The following PRKAG2 variants were observed in gnomAD, a reference collection of about 807,000 sequenced individuals.
PRKAG2 encodes protein kinase AMP-activated non-catalytic subunit gamma 2.
Under a neutral mutation model 69.6 loss-of-function variants are expected in PRKAG2, and 26 were observed. That is an observed-to-expected ratio of 0.37 (90% confidence interval 0.27 to 0.52). The LOEUF is 0.52. Among genes scored for constraint, PRKAG2 ranks in the 20% least tolerant of loss-of-function variants. PRKAG2 has a pLI of 0.90. For synonymous variants in PRKAG2, 293 were observed against 285.0 expected (o/e 1.03, Z -0.28); for missense variants, 557 against 740.0 (o/e 0.75, Z 2.87).
intron 1 of PRKAG2, among the ~76,000 whole-genome samples, chr7:151,875,840 G>A (rs1376338457): frequency 1.3e-5 from 2 of 152,090 alleles, no homozygotes; most frequent in Non-Finnish European, 1.5e-5. Context: ...GGCGCGGACG[G>A]GGCTGAAGTT....
At position 151,842,534 on chromosome 7, in the gene PRKAG2, TGGTAGTGATGGTA is replaced by T. The variant is rs1350267691; in HGVS notation, c.114+33960_114+33972del. Among the ~76,000 whole-genome samples, 26 of 147,816 alleles carry T rather than the reference TGGTAGTGATGGTA, an allele frequency of 1.8e-4. No individual in the cohort carries two copies. The East Asian group carries it at 3.2e-3, about 18-fold the overall frequency. On this transcript the variant is annotated intron_variant, in intron 1 of 15. Transcript: ENST00000287878. ...TGGTAGTGATGGTAGGTAGTGATGA[TGGTAGTGATGGTA>T]GGTAGTGATGGTAGTGATGGTAGGT...
At chr7:151,758,516 T>C (rs1157764636) in intron 3 of PRKAG2, among the ~76,000 whole-genome samples, 1 of 152,138 alleles carries the variant, frequency 6.6e-6, no homozygotes, top group Non-Finnish European at 1.5e-5. Flanking sequence ...GGGAAAAGGA[T>C]AAAGGCATGT....
At chr7:151,739,367 A>G (rs1211399334) in intron 3 of PRKAG2, among the ~76,000 whole-genome samples, 2 of 152,240 alleles carry the variant, frequency 1.3e-5, no homozygotes, top group East Asian at 3.8e-4. Context: ...AAATTGACTG[A>G]GTAACAACTG....
intron 5 of PRKAG2, among the ~76,000 whole-genome samples, chr7:151,620,364 T>C (rs1277371348): frequency 2.0e-5 from 3 of 152,180 alleles, no homozygotes; most frequent in Non-Finnish European, 2.9e-5. Flanking sequence ...TCTTTAGAGA[T>C]AGGATCACAT....
chr7:151,741,950 A>G (rs540211992), intron 3 of PRKAG2, among the ~76,000 whole-genome samples: 12 of 152,240 alleles, frequency 7.9e-5, no homozygotes, highest in Non-Finnish European at 1.5e-4. Flanking sequence ...AATGCCTACC[A>G]TATGCCAGCT....
intron 1 of PRKAG2, among the ~76,000 whole-genome samples, chr7:151,811,248 A>G (rs1306076384): frequency 6.6e-6 from 1 of 152,174 alleles, no homozygotes; most frequent in African/African-American, 2.4e-5. Context: ...GAAGAGAGGG[A>G]CCTGCTATTT....
intron 1 of PRKAG2, among the ~76,000 whole-genome samples, chr7:151,852,571 AC>A (rs1177955589): frequency 6.6e-6 from 1 of 151,900 alleles, no homozygotes; most frequent in African/African-American, 2.4e-5. Flanking sequence ...TAGACCACAG[AC>A]CTGTAGGGGG....
chr7:151,729,944 C>A (rs1426891155), intron 3 of PRKAG2, among the ~76,000 whole-genome samples: 1 of 152,198 alleles, frequency 6.6e-6, no homozygotes, highest in African/African-American at 2.4e-5. Flanking sequence ...ACAAACACTA[C>A]GTGATTCTAT....
At chr7:151,789,591 C>T (rs1339463186) in intron 1 of PRKAG2, among the ~76,000 whole-genome samples, 2 of 152,244 alleles carry the variant, frequency 1.3e-5, no homozygotes, top group Non-Finnish European at 2.9e-5. Flanking sequence ...GTACCGTCAC[C>T]TCAGCAATGG....
At position 151,699,997 on chromosome 7, in the gene PRKAG2, T is replaced by G. The variant is rs767536183; in HGVS notation, c.467-24360A>C. ...AGGAGCCTTGTGTACCTGCCAACAT[T>G]TTGCTGCATACAAGATTAATGAAAT... On this transcript the variant is annotated intron_variant, in intron 3 of 15. Coordinates refer to ENST00000287878, the MANE Select transcript of PRKAG2 (RefSeq NM_016203.4). The surrounding 1 kb of genome is among the most constrained non-coding windows in gnomAD (Gnocchi z 4.5). Among the ~76,000 whole-genome samples the G allele has an allele frequency of 2.6e-5, 4 of 152,066 alleles. No individual in the cohort carries two copies. Among genetic ancestry groups the G allele is most frequent in the Non-Finnish European group, 4.4e-5 (3 of 68,014 alleles).
At chr7:151,801,081 A>G (rs1054400077) in intron 1 of PRKAG2, among the ~76,000 whole-genome samples, 3 of 152,194 alleles carry the variant, frequency 2.0e-5, no homozygotes, top group Admixed American at 2.0e-4. Context: ...CATCTGCCAA[A>G]CAACTGCCCA....
Position 151,789,186 on chromosome 7 carries a change from G to GA in PRKAG2, c.115-2646dup, listed in dbSNP as rs1176663109. Among the ~76,000 whole-genome samples the GA allele has an allele frequency of 3.3e-5, 5 of 151,934 alleles. No individual in the cohort carries two copies. In the South Asian group the frequency reaches 8.3e-4, roughly 25 times the overall value. ...GGATAGACTAATTGTTCTGTTTTTG[G>GA]AAAAAAATGCCACTGGGATTTTGAT... On this transcript the variant is annotated intron_variant, in intron 1 of 15. Transcript: ENST00000287878.
At chr7:151,564,924 G>A (rs1805888770) in intron 13 of PRKAG2, among the ~76,000 whole-genome samples, 1 of 152,140 alleles carries the variant, frequency 6.6e-6, no homozygotes, top group African/African-American at 2.4e-5. Context: ...GCTATAAAGT[G>A]TCAGTCCCCT....
chr7:151,594,632 T>C (rs1814013745), intron 6 of PRKAG2, among the ~76,000 whole-genome samples: 1 of 152,188 alleles, frequency 6.6e-6, no homozygotes, highest in Admixed American at 6.5e-5. Flanking sequence ...TATGTTCTAC[T>C]AAATAACTAA....
intron 3 of PRKAG2, among the ~76,000 whole-genome samples, chr7:151,690,940 A>G (rs1835566131): frequency 6.6e-6 from 1 of 152,258 alleles, no homozygotes; most frequent in Middle Eastern, 3.2e-3. Flanking sequence ...GTCCCAGCTC[A>G]AGAAAGATTT....
intron 1 of PRKAG2, among the ~76,000 whole-genome samples, chr7:151,873,346 C>CTGT (rs1258486698): frequency 6.6e-6 from 1 of 152,224 alleles, no homozygotes; most frequent in African/African-American, 2.4e-5. Context: ...GTCATCGCTC[C>CTGT]TTCTGCCTCT....
chr7:151,876,787 G>A lies in PRKAG2; in HGVS notation c.-167C>T, dbSNP rs560935782. On this transcript the variant is annotated 5_prime_UTR_variant, in exon 1 of 16. Transcript: ENST00000287878. The stretch of plus-strand genomic sequence containing the variant: ...GGGTGAGCAGGGAACTCGCGCGGCC[G>A]CCGCCGCCGCCGAAGCGCCGAATTC... 14 of 693,134 alleles carry A rather than the reference G, an allele frequency of 2.0e-5. No homozygotes were observed. Among genetic ancestry groups the A allele is most frequent in the Non-Finnish European group, 3.5e-5 (14 of 398,040 alleles). 42.9% of individuals were successfully genotyped at this position (693,134 alleles called of 1,614,324 possible). A position where few individuals can be genotyped will look rare whatever the true frequency, so the allele number is the denominator to read the frequency against.
rs528354883 is a variant in PRKAG2 at position 151,839,346 on chromosome 7, C to T, written c.114+37161G>A. 1.4e-4 allele frequency among the ~76,000 whole-genome samples: 21 copies of T among 152,320 alleles called. No homozygotes were observed. The East Asian group carries it at 3.9e-3, about 28-fold the overall frequency. On this transcript the variant is annotated intron_variant, in intron 1 of 15. Coordinates refer to ENST00000287878, the MANE Select transcript of PRKAG2 (RefSeq NM_016203.4). ...GGCCGGGCACCGCGGTCGGAACTCT[C>T]GTGCTGGTTTGCAGCTCAGAAGCGG...
At chr7:151,827,240 T>C (rs1433556507) in intron 1 of PRKAG2, among the ~76,000 whole-genome samples, 3 of 152,176 alleles carry the variant, frequency 2.0e-5, no homozygotes, top group African/African-American at 7.2e-5. Context: ...CATTTATTTA[T>C]TCATTCATTT....
Sources: gnomAD v4.1 joint callset for allele counts (sites outside exome capture counted in the v4.1 genomes callset) on GRCh38, gnomAD v4.1.1 for gene constraint, Gnocchi (gnomAD v3.1) non-coding constraint, MANE v1.5 for transcripts, NCBI Gene and HGNC (gene_info 2026-07-23, HGNC 2026-07-21) for gene names.